RECK: variants seen among roughly 807,000 people sequenced by gnomAD.
The protein encoded by RECK is reversion inducing cysteine rich protein with kazal motifs, also known as reversion-inducing cysteine-rich protein with Kazal motifs.
RECK carries 69 observed loss-of-function variants against 115.1 expected under a neutral mutation model. The observed-to-expected ratio is 0.60, with a 90% CI of 0.49 to 0.73. The LOEUF is 0.73. RECK is among the 30% of genes least tolerant of loss of function. The pLI, the probability that RECK is intolerant of heterozygous loss-of-function variation, is 0.00. For missense variants in RECK, 1,047 were observed against 1,203.7 expected (o/e 0.87, Z 1.93); for synonymous variants, 414 against 419.7 (o/e 0.99, Z 0.17).
rs542489121 is a variant in RECK at position 36,075,599 on chromosome 9, A to G, written c.406-5006A>G. Among the ~76,000 whole-genome samples the G allele has an allele frequency of 2.0e-5, 3 of 152,330 alleles. No homozygotes were observed. In the East Asian group the frequency reaches 5.8e-4, roughly 29 times the overall value. Reference sequence around the variant, plus strand: ...AGGAAAAAACACCTTGTAGAGGTTTAAAAACATTTATGTTTTTAAAGAACA... The same window carrying G: ...AGGAAAAAACACCTTGTAGAGGTTTGAAAACATTTATGTTTTTAAAGAACA... On this transcript the variant is annotated intron_variant, in intron 6 of 20. Coordinates refer to ENST00000377966, the MANE Select transcript of RECK (RefSeq NM_021111.3).
chr9:36,083,651 T>G (rs1822824721), intron 8 of RECK, 89 bp downstream of exon 8: 1 of 1,328,606 alleles, frequency 7.5e-7, no homozygotes, highest in Admixed American at 2.4e-5. Context: ...ATATCTGCAG[T>G]CTGGGTCATT....
rs761219415 is a variant in RECK at position 36,105,211 on chromosome 9, A to G, written c.1504A>G (p.Asn502Asp). 2 of 1,613,902 alleles carry G rather than the reference A, an allele frequency of 1.2e-6. No homozygotes were observed. Among genetic ancestry groups the G allele is most frequent in the African/African-American group, 2.7e-5 (2 of 74,934 alleles). Residue 502 changes from asparagine (N) to aspartate (D), a missense_variant, in exon 13 of 21, where the codon AAT (asparagine) becomes GAT (aspartate). Asn to Asp is a conservative substitution (Grantham distance 23). Coordinates refer to ENST00000377966, the MANE Select transcript of RECK (RefSeq NM_021111.3). ...CTGTAACCCAAATCCTTGCCCTGCC[A>G]ATGAGCTCTGTGAAGTAAACCGAAA... ...HPCNPNPCPA[N>D]ELCEVNRKGC... is the part of the protein sequence containing the mutation.
intron 13 of RECK, 143 bp from the exon 14 acceptor site, chr9:36,107,833 T>C: frequency 1.6e-6 from 1 of 607,360 alleles, no homozygotes; most frequent in Non-Finnish European, 2.8e-6. Context: ...ACCAAAGCAA[T>C]TCCTTAATTT....
intron 14 of RECK, among the ~76,000 whole-genome samples, chr9:36,108,936 C>A (rs1464117985): frequency 6.6e-6 from 1 of 152,042 alleles, no homozygotes; most frequent in Non-Finnish European, 1.5e-5. Context: ...CTACTCCCAT[C>A]CCCTACCCCT....
At chr9:36,073,168 C>T (rs1294863758) in intron 6 of RECK, among the ~76,000 whole-genome samples, 2 of 150,986 alleles carry the variant, frequency 1.3e-5, no homozygotes, top group African/African-American at 4.9e-5. Context: ...ATTACTTTCT[C>T]TACCTTTTCT....
At chr9:36,064,117 CA>C (rs1317481310) in intron 5 of RECK, among the ~76,000 whole-genome samples, 3 of 152,052 alleles carry the variant, frequency 2.0e-5, no homozygotes, top group African/African-American at 7.2e-5. Flanking sequence ...CTCTGCCATG[CA>C]AAAAAGAATA....
chr9:36,058,784 T>C (rs1159934870), intron 2 of RECK, 43 bp from the exon 3 acceptor site: 1 of 1,457,724 alleles, frequency 6.9e-7, no homozygotes, highest in Non-Finnish European at 9.4e-7. Flanking sequence ...TCTTATTTCT[T>C]ATAGAAAAAT....
At chr9:36,063,170 A>G (rs553252266) in intron 4 of RECK, among the ~76,000 whole-genome samples, 7 of 152,256 alleles carry the variant, frequency 4.6e-5, no homozygotes, top group Middle Eastern at 3.4e-3. Flanking sequence ...TAATTTTATC[A>G]TCTTTCAGTT....
intron 10 of RECK, among the ~76,000 whole-genome samples, chr9:36,096,844 A>G (rs1318879759): frequency 6.6e-6 from 1 of 152,202 alleles, no homozygotes; most frequent in Non-Finnish European, 1.5e-5. Flanking sequence ...TGTTTGCCAA[A>G]AGACATCATT....
At position 36,087,723 on chromosome 9, in the gene RECK, C is replaced by T. The variant is rs1001596570; in HGVS notation, c.667C>T (p.His223Tyr). Reference sequence around the variant, plus strand: ...ATATTGCTGTGACAGAGCTGAAGACCATGCTTGCCAAAATGCCTGCAAGAG... The same window carrying T: ...ATATTGCTGTGACAGAGCTGAAGACTATGCTTGCCAAAATGCCTGCAAGAG... ...SLYCCDRAED[H>Y]ACQNACKRIL... The change falls in exon 9 of 21, where the codon CAT becomes TAT. Residue 223 changes from histidine to tyrosine, a missense_variant. By Grantham distance (83) the His-to-Tyr change is moderately conservative. Transcript: ENST00000377966. The T allele has an allele frequency of 1.2e-6, 2 of 1,613,952 alleles. No individual in the cohort carries two copies. The highest frequency in any genetic ancestry group is 2.2e-5 in the South Asian group (2 of 91,070).
In RECK at chr9:36,112,396, C is replaced by T. The variant is rs762179051; in HGVS notation, c.1980C>T (p.Gly660=). 10 of 1,613,906 alleles carry T rather than the reference C, an allele frequency of 6.2e-6. No individual in the cohort carries two copies. In the East Asian group the frequency reaches 2.2e-4, roughly 36 times the overall value. The change falls in exon 16 of 21, where the codon GGC becomes GGT. Residue 660 remains glycine, a synonymous_variant. Transcript: ENST00000377966. ...GTGCCTGCATTGCTCGCTGTGTGGG[C>T]CTCCAAGACCATCAGTTTGAGTTTG... ...YPSACIARCV[G]LQDHQFEFGS... is the part of the protein sequence containing the mutation.
chr9:36,047,220 T>C (rs1249542132), intron 1 of RECK, among the ~76,000 whole-genome samples: 1 of 152,212 alleles, frequency 6.6e-6, no homozygotes, highest in African/African-American at 2.4e-5. Context: ...GAGAGCCTTT[T>C]TTCCTGACTA....
intron 6 of RECK, among the ~76,000 whole-genome samples, chr9:36,071,300 C>T (rs1273017810): frequency 5.9e-5 from 9 of 152,136 alleles, no homozygotes; most frequent in Non-Finnish European, 1.3e-4. Flanking sequence ...TCTTGAATGT[C>T]ACAATAAGCT....
At position 36,080,213 on chromosome 9, in the gene RECK, C is replaced by G. The variant is rs776438800; in HGVS notation, c.406-392C>G. Among the ~76,000 whole-genome samples the G allele has an allele frequency of 6.6e-4, 101 of 152,194 alleles. 2 individuals carry two copies. Among genetic ancestry groups the G allele is most frequent in the Non-Finnish European group, 2.2e-4 (15 of 68,024 alleles). On this transcript the variant is annotated intron_variant, in intron 6 of 20. Coordinates refer to ENST00000377966, the MANE Select transcript of RECK (RefSeq NM_021111.3). ...GTAGAGATAATGTCTAAAATCCTTT[C>G]AAATCTAAAATGCAGTGGTTACATG...
chr9:36,049,222 A>G (rs1436836397), intron 1 of RECK, among the ~76,000 whole-genome samples: 3 of 152,090 alleles, frequency 2.0e-5, no homozygotes, highest in Non-Finnish European at 2.9e-5. Flanking sequence ...TGTCCAGAGT[A>G]TTGATTGGGG....
rs532830386 is a variant in RECK at position 36,121,389 on chromosome 9, T to C, written c.2539-144T>C. ...TGTGATGGACTGGAGATTCAGAATT[T>C]GGCCTAGCAAAGCTGCGGTTGGGCC... On this transcript the variant is annotated intron_variant, in intron 19 of 20. Coordinates refer to ENST00000377966, the MANE Select transcript of RECK (RefSeq NM_021111.3). The C allele has an allele frequency of 7.2e-5, 47 of 653,604 alleles. No individual in the cohort carries two copies. The African/African-American group carries it at 7.8e-4, about 11-fold the overall frequency. 40.5% of individuals were successfully genotyped at this position (653,604 alleles called of 1,614,324 possible).
At chr9:36,086,287 T>C (rs1227889340) in intron 8 of RECK, 2 of 152,464 alleles carry the variant, frequency 1.3e-5, no homozygotes, top group African/African-American at 2.4e-5. Flanking sequence ...TAATGAAATA[T>C]TGTGTCTGGA....
intron 2 of RECK, among the ~76,000 whole-genome samples, chr9:36,058,103 C>T (rs1285811868): frequency 6.6e-6 from 1 of 150,506 alleles, no homozygotes; most frequent in Non-Finnish European, 1.5e-5. Flanking sequence ...GGCGATTCCT[C>T]AGGGATCTAG....
At chr9:36,082,170 C>G (rs544282839) in intron 7 of RECK, among the ~76,000 whole-genome samples, 2 of 150,864 alleles carry the variant, frequency 1.3e-5, no homozygotes, top group African/African-American at 4.9e-5. Flanking sequence ...CTCTCTCTCT[C>G]TCTCTCTCTC....
Sources: allele counts gnomAD v4.1 joint callset (sites outside exome capture counted in the v4.1 genomes callset), GRCh38; gene constraint gnomAD v4.1.1; transcripts MANE v1.5; gene names NCBI Gene and HGNC (gene_info 2026-07-23, HGNC 2026-07-21).